The following CDK17 variants were observed in gnomAD, a reference collection of about 807,000 sequenced individuals.
CDK17 encodes the protein cyclin-dependent kinase 17.
CDK17 carries 24 observed loss-of-function variants against 77.6 expected under a neutral mutation model. The ratio of observed to expected loss-of-function variants is 0.31; its 90% CI spans 0.22 to 0.44. The LOEUF (loss-of-function observed/expected upper bound fraction) is 0.44. Ranked by LOEUF, CDK17 falls within the 20% of genes least tolerant of loss-of-function variation. The pLI is 1.00. For synonymous variants in CDK17, 203 were observed against 210.4 expected (o/e 0.96, Z 0.30); for missense variants, 429 against 622.5 (o/e 0.69, Z 3.31).
chr12:96,283,247 G>T (rs541090784), intron 14 of CDK17, among the ~76,000 whole-genome samples: 2 of 152,090 alleles, frequency 1.3e-5, no homozygotes, highest in South Asian at 4.1e-4. Flanking sequence ...CCTTATTCCT[G>T]CTTTGGAGGG....
At chr12:96,299,095 T>A in intron 6 of CDK17, 112 bp from the exon 7 acceptor site, 1 of 575,102 alleles carries the variant, frequency 1.7e-6, no homozygotes, top group Admixed American at 3.5e-5. Flanking sequence ...ATTGTTAAGT[T>A]CCATCTTGCA....
chr12:96,289,024 C>G, intron 11 of CDK17, 143 bp downstream of exon 11: 2 of 750,560 alleles, frequency 2.7e-6, no homozygotes, highest in Non-Finnish European at 4.1e-6. Context: ...ATCTAATTCC[C>G]ATGCCAGAAC....
chr12:96,320,052 G>C (rs577666546), intron 3 of CDK17, among the ~76,000 whole-genome samples: 9 of 152,090 alleles, frequency 5.9e-5, no homozygotes, highest in Non-Finnish European at 1.3e-4. Flanking sequence ...AAACCCCATC[G>C]TCTCAGCCCA....
chr12:96,320,076 C>G (rs1305809629), intron 3 of CDK17, among the ~76,000 whole-genome samples: 1 of 152,140 alleles, frequency 6.6e-6, no homozygotes, highest in East Asian at 1.9e-4. Context: ...TCTCCTTAAG[C>G]TGATAAGCAA....
At chr12:96,320,533 C>A (rs1952801488) in intron 3 of CDK17, among the ~76,000 whole-genome samples, 1 of 148,210 alleles carries the variant, frequency 6.7e-6, no homozygotes, top group African/African-American at 2.5e-5. Flanking sequence ...AAGCTGGAGG[C>A]ATCACGCTAC....
In CDK17 at chr12:96,334,847, G is replaced by C. The variant is rs746786599; in HGVS notation, c.-11C>G. Reference sequence around the variant, plus strand: ...CTTAAATTTTTTCATCCTATCAATTGAATGTGGCTTGAAAAATCCTGAAAG... The same window carrying C: ...CTTAAATTTTTTCATCCTATCAATTCAATGTGGCTTGAAAAATCCTGAAAG... On this transcript the variant is annotated 5_prime_UTR_variant, in exon 2 of 17. Coordinates refer to ENST00000261211, the MANE Select transcript of CDK17 (RefSeq NM_002595.5). 9.6e-6 allele frequency: 13 copies of C among 1,348,394 alleles called. No homozygotes were observed. The highest frequency in any genetic ancestry group is 1.4e-5 in the African/African-American group (1 of 69,798). The allele number at this position is 1,348,394 out of a possible 1,614,324, so 83.5% of individuals were successfully genotyped here. A position where few individuals can be genotyped will look rare whatever the true frequency, so the allele number is the denominator to read the frequency against.
chr12:96,378,744 A>G (rs1159499181), intron 1 of CDK17, among the ~76,000 whole-genome samples: 2 of 152,266 alleles, frequency 1.3e-5, no homozygotes, highest in Non-Finnish European at 2.9e-5. Context: ...TTGAGTGACT[A>G]AACTACGGTA....
intron 2 of CDK17, among the ~76,000 whole-genome samples, chr12:96,330,272 A>G (rs1952948641): frequency 6.6e-6 from 1 of 152,102 alleles, no homozygotes; most frequent in Admixed American, 6.6e-5. Context: ...CTTATCAAAC[A>G]TCTGTTCTGC....
At chr12:96,285,965 T>A in intron 13 of CDK17, 78 bp downstream of exon 13, 2 of 731,006 alleles carry the variant, frequency 2.7e-6, no homozygotes, top group Non-Finnish European at 4.9e-6. Context: ...TTTTCCTGAA[T>A]CCTTACTGTG....
In CDK17 at chr12:96,343,519, C is replaced by T. The variant is rs74565525; in HGVS notation, c.-29-8654G>A. Among the ~76,000 whole-genome samples, 12 of 152,288 alleles carry T rather than the reference C, an allele frequency of 7.9e-5. No homozygotes were observed. The East Asian group carries it at 9.6e-4, about 12-fold the overall frequency. ...CTTTATTTAGGCCCTCTGGGGCTAC[C>T]GGGCAGGGGAGGCGCACCTGCATCT... On this transcript the variant is annotated intron_variant, in intron 1 of 16. Transcript: ENST00000261211.
intron 1 of CDK17, among the ~76,000 whole-genome samples, chr12:96,349,798 G>C (rs997591643): frequency 6.6e-6 from 1 of 151,960 alleles, no homozygotes; most frequent in Non-Finnish European, 1.5e-5. Flanking sequence ...AGAAATATAA[G>C]GCAGCCAAAT....
intron 1 of CDK17, among the ~76,000 whole-genome samples, chr12:96,391,674 T>C (rs1355261931): frequency 2.0e-5 from 3 of 152,210 alleles, no homozygotes; most frequent in Non-Finnish European, 4.4e-5. Context: ...TTTCTTTACA[T>C]ATTAACATTA....
At chr12:96,376,554 G>A (rs924640141) in intron 1 of CDK17, among the ~76,000 whole-genome samples, 4 of 152,136 alleles carry the variant, frequency 2.6e-5, no homozygotes, top group African/African-American at 9.7e-5. Context: ...CTTCCCAAAT[G>A]TCTGTTACAA....
intron 1 of CDK17, among the ~76,000 whole-genome samples, chr12:96,343,541 A>G (rs533253772): frequency 1.3e-5 from 2 of 152,238 alleles, no homozygotes; most frequent in Non-Finnish European, 2.9e-5. Context: ...GCGCACCTGC[A>G]TCTACTGGAA....
At chr12:96,294,938 T>TC (rs1952382874) in intron 10 of CDK17, 61 bp downstream of exon 10, 1 of 1,398,174 alleles carries the variant, frequency 7.2e-7, no homozygotes, top group South Asian at 1.4e-5. Context: ...CAGTGGTTGA[T>TC]CTTTTAACCA....
chr12:96,323,051 G>A (rs1440567583), intron 3 of CDK17, among the ~76,000 whole-genome samples: 1 of 152,038 alleles, frequency 6.6e-6, no homozygotes, highest in Non-Finnish European at 1.5e-5. Context: ...CATAAAACGA[G>A]CAGTAGAATA....
chr12:96,326,923 G>A (rs1952898733), intron 2 of CDK17, among the ~76,000 whole-genome samples: 3 of 152,198 alleles, frequency 2.0e-5, no homozygotes, highest in African/African-American at 7.2e-5. Context: ...AGCAGTTACG[G>A]TAGCTTTGAA....
At chr12:96,365,296 CT>C (rs1366028359) in intron 1 of CDK17, among the ~76,000 whole-genome samples, 2 of 151,918 alleles carry the variant, frequency 1.3e-5, no homozygotes, top group Non-Finnish European at 2.9e-5. Context: ...TTTACAGAGT[CT>C]TTACATCCAT....
chr12:96,398,117 G>A (rs1475575447), intron 1 of CDK17, among the ~76,000 whole-genome samples: 2 of 144,300 alleles, frequency 1.4e-5, no homozygotes, highest in East Asian at 2.0e-4. Context: ...TTTTACATAA[G>A]CTTAAATTCA....
Sources: allele counts gnomAD v4.1 joint callset (sites outside exome capture counted in the v4.1 genomes callset), GRCh38; gene constraint gnomAD v4.1.1; transcripts MANE v1.5; gene names NCBI Gene and HGNC (gene_info 2026-07-23, HGNC 2026-07-21).